OLA1: variants seen among roughly 807,000 people sequenced by gnomAD.
The protein encoded by OLA1 is obg-like ATPase 1.
OLA1 carries 14 observed loss-of-function variants against 48.4 expected under a neutral mutation model. The ratio of observed to expected loss-of-function variants is 0.29; its 90% CI spans 0.19 to 0.45. OLA1 has a LOEUF of 0.45. OLA1 is among the 20% of genes least tolerant of loss of function. The pLI is 1.00. For missense variants in OLA1, 325 were observed against 467.1 expected (o/e 0.70, Z 2.80); for synonymous variants, 127 against 150.4 (o/e 0.84, Z 1.14).
chr2:174,236,526 G>C (rs1397035315), intron 2 of OLA1, among the ~76,000 whole-genome samples: 1 of 152,164 alleles, frequency 6.6e-6, no homozygotes, highest in Non-Finnish European at 1.5e-5. Flanking sequence ...AATAACCAGA[G>C]CTTCAGCAGG....
chr2:174,214,169 C>A (rs950926229), intron 4 of OLA1, among the ~76,000 whole-genome samples: 1 of 151,838 alleles, frequency 6.6e-6, no homozygotes, highest in Admixed American at 6.6e-5. Flanking sequence ...CCCGTCTCTA[C>A]TAAAAATTCA....
intron 4 of OLA1, among the ~76,000 whole-genome samples, chr2:174,194,397 C>G (rs1291700270): frequency 6.6e-6 from 1 of 152,094 alleles, no homozygotes; most frequent in Non-Finnish European, 1.5e-5. Flanking sequence ...TGTGTCTATC[C>G]AAGTTGAGTG....
At chr2:174,155,437 G>A (rs538620054) in intron 4 of OLA1, among the ~76,000 whole-genome samples, 3 of 152,294 alleles carry the variant, frequency 2.0e-5, no homozygotes, top group East Asian at 1.9e-4. Context: ...CATTTAGTGA[G>A]CATTTCAAAG....
intron 4 of OLA1, among the ~76,000 whole-genome samples, chr2:174,214,280 C>T (rs1300827189): frequency 1.3e-5 from 2 of 152,054 alleles, no homozygotes; most frequent in African/African-American, 4.8e-5. Flanking sequence ...TTGCAGTGAG[C>T]CAAGACTGTG....
intron 7 of OLA1, among the ~76,000 whole-genome samples, chr2:174,087,522 C>CTTTTT (rs139509080): frequency 1.0e-4 from 14 of 140,000 alleles, no homozygotes; most frequent in South Asian, 4.3e-4. Context: ...ATCTTTCAAA[C>CTTTTT]TTTTTTTTGA....
chr2:174,200,366 C>A (rs539658867), intron 4 of OLA1, among the ~76,000 whole-genome samples: 5 of 152,118 alleles, frequency 3.3e-5, no homozygotes, highest in Middle Eastern at 3.4e-3. Flanking sequence ...TATAAAAATA[C>A]GTTTTTCTAG....
chr2:174,220,419 A>G (rs1000993764), intron 4 of OLA1, among the ~76,000 whole-genome samples: 6 of 152,222 alleles, frequency 3.9e-5, no homozygotes, highest in African/African-American at 1.4e-4. Context: ...TCCTCAAGGT[A>G]ACACTGCATA....
chr2:174,205,649 T>C (rs1368186342), intron 4 of OLA1, among the ~76,000 whole-genome samples: 1 of 152,194 alleles, frequency 6.6e-6, no homozygotes, highest in Non-Finnish European at 1.5e-5. Flanking sequence ...TTAGGTACTA[T>C]GGCAAGAGCT....
Position 174,073,641 on chromosome 2 carries a change from C to T in OLA1, c.*1785G>A, listed in dbSNP as rs1000352086. The T allele has an allele frequency of 6.6e-6, 1 of 152,184 alleles. No homozygotes were observed. The highest frequency in any genetic ancestry group is 2.4e-5 in the African/African-American group (1 of 41,456). The allele number at this position is 152,184 out of a possible 1,614,324, so 9.4% of individuals were successfully genotyped here. On this transcript the variant is annotated 3_prime_UTR_variant, in exon 11 of 11. Transcript: ENST00000284719. The stretch of plus-strand genomic sequence containing the variant: ...AATGTGCAATTTACCACATTAGAAG[C>T]TAGACAAAGTAAAATTGCATGATCC...
At chr2:174,180,175 A>C (rs1014662230) in intron 4 of OLA1, among the ~76,000 whole-genome samples, 1 of 152,188 alleles carries the variant, frequency 6.6e-6, no homozygotes, top group African/African-American at 2.4e-5. Context: ...GAAGGTTAAA[A>C]AAATCTAAAG....
At chr2:174,142,447 G>A (rs1386137184) in intron 4 of OLA1, among the ~76,000 whole-genome samples, 2 of 152,102 alleles carry the variant, frequency 1.3e-5, no homozygotes, top group Non-Finnish European at 2.9e-5. Flanking sequence ...TGGTTCTGAC[G>A]GTGATTAGAT....
intron 5 of OLA1, among the ~76,000 whole-genome samples, chr2:174,129,939 CCAGAT>C (rs1558967698): frequency 6.6e-6 from 1 of 152,086 alleles, no homozygotes; most frequent in East Asian, 1.9e-4. Context: ...ATGCTGATAT[CCAGAT>C]GAACTGACTT....
intron 4 of OLA1, among the ~76,000 whole-genome samples, chr2:174,142,820 A>G (rs551974461): frequency 6.6e-6 from 1 of 152,248 alleles, no homozygotes; most frequent in Non-Finnish European, 1.5e-5. Context: ...TATCATAAAA[A>G]ATGAACAAAT....
At chr2:174,193,353 G>A (rs1368044225) in intron 4 of OLA1, among the ~76,000 whole-genome samples, 1 of 152,140 alleles carries the variant, frequency 6.6e-6, no homozygotes, top group Non-Finnish European at 1.5e-5. Flanking sequence ...GCCTCCCAAA[G>A]GGCTGGGATT....
chr2:174,247,118 G>T (rs115149575), intron 1 of OLA1: 2,777 of 190,730 alleles, frequency 0.015, 31 homozygotes, highest in South Asian at 0.054. Context: ...CACTTTGGGA[G>T]GGGGAGGCCG....
chr2:174,088,529 CT>C (rs1260247484), intron 7 of OLA1, among the ~76,000 whole-genome samples: 3 of 152,162 alleles, frequency 2.0e-5, no homozygotes, highest in Non-Finnish European at 4.4e-5. Context: ...AAATTCTCAA[CT>C]CTTCAAAATT....
At chr2:174,205,603 A>T (rs1386847764) in intron 4 of OLA1, among the ~76,000 whole-genome samples, 4 of 152,158 alleles carry the variant, frequency 2.6e-5, no homozygotes, top group Non-Finnish European at 5.9e-5. Context: ...ATACAAACAA[A>T]ATATCTAAAT....
chr2:174,152,664 T>C (rs1335514681), intron 4 of OLA1, among the ~76,000 whole-genome samples: 4 of 152,198 alleles, frequency 2.6e-5, no homozygotes, highest in African/African-American at 9.7e-5. Flanking sequence ...AAATATTTTG[T>C]AAATATATAA....
intron 4 of OLA1, among the ~76,000 whole-genome samples, chr2:174,162,803 G>A (rs1191466385): frequency 6.6e-6 from 1 of 152,136 alleles, no homozygotes; most frequent in Non-Finnish European, 1.5e-5. Flanking sequence ...CAGCCCTTTG[G>A]GAGGCCGAGG....
Sources: allele counts gnomAD v4.1 joint callset (sites outside exome capture counted in the v4.1 genomes callset), GRCh38; gene constraint gnomAD v4.1.1; transcripts MANE v1.5; gene names NCBI Gene and HGNC (gene_info 2026-07-23, HGNC 2026-07-21).